WAC: variants seen among roughly 807,000 people sequenced by gnomAD.
The protein encoded by WAC is WW domain containing adaptor with coiled-coil.
In WAC, 11 loss-of-function variants were observed where a neutral mutation model predicts 79.6. The ratio of observed to expected loss-of-function variants is 0.14; its 90% CI spans 0.09 to 0.23. WAC has a LOEUF of 0.23. Among genes scored for constraint, WAC ranks in the 10% least tolerant of loss-of-function variants. The pLI, the probability that WAC is intolerant of heterozygous loss-of-function variation, is 1.00. For synonymous variants in WAC, 304 were observed against 276.9 expected (o/e 1.10, Z -0.97); for missense variants, 728 against 773.5 (o/e 0.94, Z 0.70).
Position 28,534,835 on chromosome 10 carries a change from A to T in WAC, c.79-727A>T, listed in dbSNP as rs554258129. 3.3e-5 allele frequency among the ~76,000 whole-genome samples: 5 copies of T among 152,356 alleles called. No homozygotes were observed. In the East Asian group the frequency reaches 9.6e-4, roughly 29 times the overall value. On this transcript the variant is annotated intron_variant, in intron 2 of 13. Coordinates refer to ENST00000354911, the MANE Select transcript of WAC (RefSeq NM_016628.5). ...AACACTGTCTTCTGATATGTAAAAC[A>T]TTGGATATGTCAAAAATTAAACTTT... is the stretch of plus-strand genomic sequence containing the variant.
At chr10:28,609,246 C>A (rs980499651) in intron 8 of WAC, among the ~76,000 whole-genome samples, 2 of 152,114 alleles carry the variant, frequency 1.3e-5, no homozygotes, top group Non-Finnish European at 1.5e-5. Context: ...CCTGTGAATC[C>A]CAGCTACTCG....
chr10:28,566,083 G>C (rs1838588087), intron 3 of WAC, among the ~76,000 whole-genome samples: 1 of 152,166 alleles, frequency 6.6e-6, no homozygotes, highest in Admixed American at 6.5e-5. Context: ...GACGACGTAG[G>C]AGACTTGAAT....
At chr10:28,573,106 T>C (rs1372243234) in intron 3 of WAC, among the ~76,000 whole-genome samples, 2 of 108,102 alleles carry the variant, frequency 1.9e-5, no homozygotes, top group Non-Finnish European at 1.8e-5. Context: ...TTAAAAAATA[T>C]TTTACATGGC....
intron 3 of WAC, among the ~76,000 whole-genome samples, chr10:28,580,553 C>T (rs1401862376): frequency 6.6e-6 from 1 of 152,046 alleles, no homozygotes; most frequent in African/African-American, 2.4e-5. Context: ...CTAACCCAGG[C>T]TTTTTAATGG....
chr10:28,552,774 CTT>C (rs1837751587), intron 3 of WAC, among the ~76,000 whole-genome samples: 2 of 147,470 alleles, frequency 1.4e-5, no homozygotes, highest in South Asian at 4.3e-4. Context: ...TTAGAACAGT[CTT>C]GGGATCTGGA....
intron 3 of WAC, among the ~76,000 whole-genome samples, chr10:28,551,093 A>G (rs1470963163): frequency 6.6e-6 from 1 of 152,132 alleles, no homozygotes; most frequent in Non-Finnish European, 1.5e-5. Context: ...TAAATTAGGT[A>G]GAATAATAGG....
At chr10:28,547,912 T>A (rs1837445597) in intron 3 of WAC, among the ~76,000 whole-genome samples, 1 of 104,408 alleles carries the variant, frequency 9.6e-6, no homozygotes, top group Non-Finnish European at 1.9e-5. Context: ...TCTTTCTCTT[T>A]TTCTTTTTTT....
At chr10:28,533,772 G>T in intron 1 of WAC, 152 bp downstream of exon 1, 1 of 1,009,294 alleles carries the variant, frequency 9.9e-7, no homozygotes, top group Non-Finnish European at 1.4e-6. Flanking sequence ...GCGGGCGGGC[G>T]GGCGGGAACG....
At chr10:28,590,682 T>C in intron 5 of WAC, 38 bp from the exon 6 acceptor site, 1 of 1,514,370 alleles carries the variant, frequency 6.6e-7, no homozygotes, top group Non-Finnish European at 8.9e-7. Context: ...ATGCCCTTAA[T>C]GTAATTTTTA....
intron 3 of WAC, among the ~76,000 whole-genome samples, chr10:28,583,152 G>A (rs553655496): frequency 3.3e-5 from 5 of 151,944 alleles, no homozygotes; most frequent in African/African-American, 9.7e-5. Context: ...TCTCAAAAAG[G>A]TTGTTATATG....
At chr10:28,599,429 C>T (rs1840532045) in intron 7 of WAC, among the ~76,000 whole-genome samples, 1 of 152,060 alleles carries the variant, frequency 6.6e-6, no homozygotes, top group African/African-American at 2.4e-5. Context: ...GCCTATACAA[C>T]AGTGTGTAAA....
chr10:28,592,412 A>G (rs1172513510), intron 6 of WAC, among the ~76,000 whole-genome samples: 1 of 152,110 alleles, frequency 6.6e-6, no homozygotes, highest in African/African-American at 2.4e-5. Flanking sequence ...TCACGAAGTC[A>G]AGAGATCGAG....
At chr10:28,608,664 T>A in intron 8 of WAC, 1 of 497,224 alleles carries the variant, frequency 2.0e-6, no homozygotes, top group South Asian at 2.5e-5. Flanking sequence ...TATTTTTCAA[T>A]ACTTGTTATG....
intron 3 of WAC, among the ~76,000 whole-genome samples, chr10:28,580,541 A>G (rs1370854050): frequency 6.6e-6 from 1 of 152,210 alleles, no homozygotes; most frequent in Non-Finnish European, 1.5e-5. Context: ...TGAGTGGGGT[A>G]TCTAACCCAG....
chr10:28,535,564 A>C lies in WAC; in HGVS notation c.81A>C (p.Ala27=). The stretch of plus-strand genomic sequence containing the variant: ...TTTGGGGGGGTGATGTTTTACAGGC[A>C]CTTAAGTATTCATCGAAGAGTCACC... ...DRRGDSQPYQ[A]LKYSSKSHPS... Residue 27 remains alanine, a splice_region_variant and synonymous_variant, in exon 3 of 14, where the codon GCA becomes GCC. Transcript: ENST00000354911. 1 of 1,593,422 alleles carries C rather than the reference A, an allele frequency of 6.3e-7. No individual in the cohort carries two copies. Among genetic ancestry groups the C allele is most frequent in the Non-Finnish European group, 8.6e-7 (1 of 1,168,776 alleles).
At chr10:28,532,856 G>A (rs762786643), upstream of WAC, 10 of 153,106 alleles carry the variant, frequency 6.5e-5, no homozygotes, top group South Asian at 2.1e-4. Flanking sequence ...CGGAGCCCCT[G>A]AGATCAGCCT....
intron 3 of WAC, among the ~76,000 whole-genome samples, chr10:28,571,220 A>G (rs1202731306): frequency 2.0e-5 from 3 of 151,932 alleles, no homozygotes; most frequent in African/African-American, 7.2e-5. Context: ...GTGAGCCACC[A>G]TGCCTGGCCC....
chr10:28,614,450 T>A, intron 10 of WAC, 117 bp from the exon 11 acceptor site: 1 of 462,256 alleles, frequency 2.2e-6, no homozygotes, highest in South Asian at 2.8e-5. Flanking sequence ...AGAAATGAGA[T>A]CTAAGTTTCA....
At chr10:28,577,764 C>G (rs563938730) in intron 3 of WAC, among the ~76,000 whole-genome samples, 1 of 152,126 alleles carries the variant, frequency 6.6e-6, no homozygotes, top group Non-Finnish European at 1.5e-5. Context: ...AGGGGAGATT[C>G]GTTGAGTGTC....
Sources: gnomAD v4.1 joint callset for allele counts (sites outside exome capture counted in the v4.1 genomes callset) on GRCh38, gnomAD v4.1.1 for gene constraint, MANE v1.5 for transcripts, NCBI Gene and HGNC (gene_info 2026-07-23, HGNC 2026-07-21) for gene names.